Variants in DMRT1 observed in about 807,000 individuals in gnomAD.
The protein encoded by DMRT1 is doublesex and mab-3 related transcription factor 1, also known as doublesex- and mab-3-related transcription factor 1.
In DMRT1, 7 loss-of-function variants were observed where a neutral mutation model predicts 32.3. The ratio of observed to expected loss-of-function variants is 0.22; its 90% CI spans 0.12 to 0.41. The LOEUF is 0.41. Ranked by LOEUF, DMRT1 falls within the 10% of genes least tolerant of loss-of-function variation. The pLI is 1.00. For missense variants in DMRT1, 625 were observed against 500.5 expected, an observed-to-expected ratio of 1.25 and a Z score of -2.37; for synonymous variants, 278 against 206.1, an observed-to-expected ratio of 1.35 and a Z score of -2.99.
intron 4 of DMRT1, among the ~76,000 whole-genome samples, chr9:929,742 A>T (rs1818646704): frequency 6.6e-6 from 1 of 152,062 alleles, no homozygotes; most frequent in East Asian, 1.9e-4. Context: ...AGTGACTCTT[A>T]AAGCTGTTCT....
At chr9:915,855 C>T (rs1240243991) in intron 3 of DMRT1, among the ~76,000 whole-genome samples, 1 of 152,044 alleles carries the variant, frequency 6.6e-6, no homozygotes, top group Non-Finnish European at 1.5e-5. Context: ...GCCTCAGCCT[C>T]CCAAGTAGCT....
intron 3 of DMRT1, among the ~76,000 whole-genome samples, chr9:902,386 C>G (rs1021272984): frequency 6.6e-6 from 1 of 151,710 alleles, no homozygotes; most frequent in Non-Finnish European, 1.5e-5. Context: ...GTCCTTGTGA[C>G]AACAGTGAAG....
intron 4 of DMRT1, among the ~76,000 whole-genome samples, chr9:936,770 A>AG (rs34470129): frequency 6.6e-6 from 1 of 151,586 alleles, no homozygotes; most frequent in Non-Finnish European, 1.5e-5. Flanking sequence ...AAAAAAAAAA[A>AG]GTCTTCTTCA....
At chr9:878,082 A>C (rs1249170584) in intron 2 of DMRT1, among the ~76,000 whole-genome samples, 1 of 152,172 alleles carries the variant, frequency 6.6e-6, no homozygotes, top group Admixed American at 6.5e-5. Context: ...AATTACAGAT[A>C]ATGGCCTTCC....
At chr9:873,155 G>T (rs546684058) in intron 2 of DMRT1, among the ~76,000 whole-genome samples, 1 of 152,314 alleles carries the variant, frequency 6.6e-6, no homozygotes, top group East Asian at 1.9e-4. Flanking sequence ...TTTGCAGTTT[G>T]CTGATGGCTA....
rs148769550 is a variant in DMRT1 at position 895,524 on chromosome 9, T to C, written c.822+1329T>C. On this transcript the variant is annotated intron_variant, in intron 3 of 4. Coordinates refer to ENST00000382276, the MANE Select transcript of DMRT1 (RefSeq NM_021951.3). ...AAGTGTTTGACCCTCTTTTTCACTT[T>C]CCCAGCTTTATTGACGTATCATGGG... Among the ~76,000 whole-genome samples, 1,292 of 152,342 alleles carry C rather than the reference T, an allele frequency of 8.5e-3. 19 individuals carry two copies. Among genetic ancestry groups the C allele is most frequent in the African/African-American group, 0.03 (1,233 of 41,576 alleles).
rs576024466 is a variant in DMRT1, at chr9:878,887, C to T, written c.539-15025C>T. Among the ~76,000 whole-genome samples, 3 of 152,304 alleles carry T rather than the reference C, an allele frequency of 2.0e-5. No homozygotes were observed. In the South Asian group the frequency reaches 6.2e-4, roughly 32 times the overall value. On this transcript the variant is annotated intron_variant, in intron 2 of 4. Coordinates refer to ENST00000382276, the MANE Select transcript of DMRT1 (RefSeq NM_021951.3). ...GCTGGGACATGCAAAACGTATATAA[C>T]TTGCCCCATGATTGCATGGCATTAG... is the stretch of plus-strand genomic sequence containing the variant.
chr9:851,173 A>G (rs535048099), intron 2 of DMRT1, among the ~76,000 whole-genome samples: 12 of 152,128 alleles, frequency 7.9e-5, no homozygotes, highest in African/African-American at 2.7e-4. Flanking sequence ...CTAACTTTCT[A>G]CTTTCTAATA....
intron 4 of DMRT1, among the ~76,000 whole-genome samples, chr9:952,349 G>A (rs1413643471): frequency 6.6e-6 from 1 of 152,162 alleles, no homozygotes; most frequent in Non-Finnish European, 1.5e-5. Flanking sequence ...TTTCCTTAGA[G>A]TACTCGGCTC....
chr9:916,704 T>G, intron 3 of DMRT1, 59 bp from the exon 4 acceptor site: 1 of 1,583,736 alleles, frequency 6.3e-7, no homozygotes, highest in African/African-American at 1.3e-5. Flanking sequence ...AGATAATTAT[T>G]GTACTAGTTG....
chr9:908,443 G>A (rs756577887), intron 3 of DMRT1, among the ~76,000 whole-genome samples: 1 of 144,486 alleles, frequency 6.9e-6, no homozygotes, highest in Non-Finnish European at 1.5e-5. Context: ...GGGCGACAGA[G>A]AGACCCTGTC....
At chr9:929,024 A>G (rs919843111) in intron 4 of DMRT1, among the ~76,000 whole-genome samples, 4 of 151,962 alleles carry the variant, frequency 2.6e-5, no homozygotes, top group Non-Finnish European at 4.4e-5. Context: ...TTTTTAGTAT[A>G]GATGGGGTTT....
chr9:846,318 C>G (rs1452252089), intron 1 of DMRT1, among the ~76,000 whole-genome samples: 1 of 152,114 alleles, frequency 6.6e-6, no homozygotes, highest in Non-Finnish European at 1.5e-5. Flanking sequence ...CAGGTGCGAA[C>G]CACCACTCCT....
Position 897,713 on chromosome 9 carries a change from C to T in DMRT1, c.822+3518C>T, listed in dbSNP as rs1327630443. Among the ~76,000 whole-genome samples the T allele has an allele frequency of 3.9e-5, 6 of 152,130 alleles. No individual in the cohort carries two copies. In the East Asian group the frequency reaches 7.7e-4, roughly 20 times the overall value. On this transcript the variant is annotated intron_variant, in intron 3 of 4. Coordinates refer to ENST00000382276, the MANE Select transcript of DMRT1 (RefSeq NM_021951.3). Reference sequence around the variant, plus strand: ...TCATGTTTGTTCATTATAACTGTCTCCTGAGAGCCACCGCGCCCGGCCTAA... The same window carrying T: ...TCATGTTTGTTCATTATAACTGTCTTCTGAGAGCCACCGCGCCCGGCCTAA...
chr9:900,376 C>A (rs1053019520), intron 3 of DMRT1, among the ~76,000 whole-genome samples: 2 of 152,102 alleles, frequency 1.3e-5, no homozygotes, highest in African/African-American at 2.4e-5. Context: ...CACTGCCCCC[C>A]CTTTTTTTGT....
chr9:962,805 T>C (rs1819817777), intron 4 of DMRT1, among the ~76,000 whole-genome samples: 1 of 152,216 alleles, frequency 6.6e-6, no homozygotes, highest in Admixed American at 6.5e-5. Flanking sequence ...GGGGAGTAAG[T>C]TTGATGGGTG....
intron 4 of DMRT1, among the ~76,000 whole-genome samples, chr9:943,567 C>A (rs569224179): frequency 6.6e-6 from 1 of 152,342 alleles, no homozygotes; most frequent in South Asian, 2.1e-4. Flanking sequence ...CTAACACTTA[C>A]ATCCTGAATT....
In DMRT1 at chr9:968,374, A is replaced by AT; in HGVS notation, c.*242dup. On this transcript the variant is annotated 3_prime_UTR_variant, in exon 5 of 5. Transcript: ENST00000382276. ...TCACGGAGTTTAAATAATAGTGTTCATTTTTTTAATGACACTGGTTTCATG... is the reference window on the plus strand; with the variant it reads ...TCACGGAGTTTAAATAATAGTGTTCATTTTTTTTAATGACACTGGTTTCATG... 4.0e-6 allele frequency: 2 copies of AT among 504,500 alleles called. No individual in the cohort carries two copies. The highest frequency in any genetic ancestry group is 3.6e-5 in the East Asian group (1 of 27,624). 31.3% of individuals were successfully genotyped at this position (504,500 alleles called of 1,614,324 possible).
chr9:884,695 G>T (rs1393190075), intron 2 of DMRT1, among the ~76,000 whole-genome samples: 1 of 152,200 alleles, frequency 6.6e-6, no homozygotes, highest in Admixed American at 6.5e-5. Flanking sequence ...ATCTGGCCAG[G>T]TGCGGTGGCT....
Sources: gnomAD v4.1 joint callset for allele counts (sites outside exome capture counted in the v4.1 genomes callset) on GRCh38, gnomAD v4.1.1 for gene constraint, MANE v1.5 for transcripts, NCBI Gene and HGNC (gene_info 2026-07-23, HGNC 2026-07-21) for gene names.